DHX35: variants seen among roughly 807,000 people sequenced by gnomAD.
DHX35 encodes the protein DEAH-box helicase 35, also known as probable ATP-dependent RNA helicase DHX35.
Under a neutral mutation model 99.6 loss-of-function variants are expected in DHX35, and 84 were observed. The ratio of observed to expected loss-of-function variants is 0.84; its 90% CI spans 0.71 to 1.01. DHX35 has a LOEUF of 1.01. Ranked by LOEUF, DHX35 falls within the 50% of genes least tolerant of loss-of-function variation. DHX35 has a pLI of 0.00. For missense variants in DHX35, 852 were observed against 888.5 expected (o/e 0.96, Z 0.52); for synonymous variants, 331 against 316.2 (o/e 1.05, Z -0.50).
intron 3 of DHX35, among the ~76,000 whole-genome samples, chr20:38,976,571 C>G (rs56405745): frequency 4.6e-5 from 7 of 152,232 alleles, no homozygotes; most frequent in Non-Finnish European, 1.0e-4. Context: ...TATCCATCAC[C>G]TCAAACATTT....
chr20:38,972,487 T>A (rs920257698), intron 2 of DHX35, 72 bp from the exon 3 acceptor site: 62 of 937,270 alleles, frequency 6.6e-5, no homozygotes, highest in Non-Finnish European at 1.0e-4. Context: ...CATTTCACAA[T>A]GTTTAAATAT....
At chr20:39,003,287 A>G (rs979190099) in intron 10 of DHX35, among the ~76,000 whole-genome samples, 1 of 152,164 alleles carries the variant, frequency 6.6e-6, no homozygotes, top group Non-Finnish European at 1.5e-5. Flanking sequence ...AACAGACCCA[A>G]GTGCTCGCTG....
chr20:39,026,239 G>A lies in DHX35; in HGVS notation c.1801+880G>A, dbSNP rs145216000. The stretch of plus-strand genomic sequence containing the variant: ...AATGCTCACAACAACGCTGTGAAAC[G>A]TGTGCTCTTTTCCCCATCTTATAGG... On this transcript the variant is annotated intron_variant, in intron 18 of 21. Coordinates refer to ENST00000252011, the MANE Select transcript of DHX35 (RefSeq NM_021931.4). 3.3e-5 allele frequency among the ~76,000 whole-genome samples: 5 copies of A among 152,314 alleles called. No individual in the cohort carries two copies. In the East Asian group the frequency reaches 9.6e-4, roughly 29 times the overall value.
intron 15 of DHX35, among the ~76,000 whole-genome samples, chr20:39,021,543 T>C (rs1052751407): frequency 6.6e-6 from 1 of 152,224 alleles, no homozygotes; most frequent in Non-Finnish European, 1.5e-5. Context: ...TCACCCTGGC[T>C]GGAATGCAGT....
At chr20:39,006,469 C>T (rs2086620648) in intron 12 of DHX35, 113 bp downstream of exon 12, 3 of 1,093,358 alleles carry the variant, frequency 2.7e-6, no homozygotes, top group Admixed American at 2.1e-5. Context: ...ACAGGCCTTC[C>T]TCACAAGGCC....
intron 20 of DHX35, among the ~76,000 whole-genome samples, chr20:39,032,689 C>G (rs958846006): frequency 6.6e-6 from 1 of 152,150 alleles, no homozygotes; most frequent in African/African-American, 2.4e-5. Context: ...GAAACTTGTA[C>G]GAAATGCAGC....
intron 3 of DHX35, among the ~76,000 whole-genome samples, chr20:38,983,431 A>G (rs1007492668): frequency 1.3e-5 from 2 of 152,298 alleles, no homozygotes; most frequent in African/African-American, 2.4e-5. Context: ...TCTGTAGTAC[A>G]TGGTGATTTT....
At chr20:38,997,579 T>C (rs2086450603) in intron 8 of DHX35, among the ~76,000 whole-genome samples, 1 of 152,140 alleles carries the variant, frequency 6.6e-6, no homozygotes, top group Non-Finnish European at 1.5e-5. Context: ...ATGCTGGACC[T>C]CTGGTAAGCT....
chr20:39,003,558 T>TAGA (rs2086559429), intron 10 of DHX35, among the ~76,000 whole-genome samples, 191 bp from the exon 11 acceptor site: 1 of 152,240 alleles, frequency 6.6e-6, no homozygotes, highest in Non-Finnish European at 1.5e-5. Context: ...TTGCAAAATT[T>TAGA]CACCCATTGT....
rs756207342 is a variant in DHX35, at chr20:39,039,236, G to A, written c.*693G>A. 1 of 152,866 alleles carries A rather than the reference G, an allele frequency of 6.5e-6. No homozygotes were observed. The highest frequency in any genetic ancestry group is 1.5e-5 in the Non-Finnish European group (1 of 68,230). The allele number at this position is 152,866 out of a possible 1,614,324, so 9.5% of individuals were successfully genotyped here. ...CAGGTAGGCTTAGCGTCCTCTCAGA[G>A]TGTAGTGCCAGGTCCTGGTGCCACG... On this transcript the variant is annotated 3_prime_UTR_variant, in exon 22 of 22. Transcript: ENST00000252011.
chr20:38,983,834 T>C, intron 4 of DHX35, 58 bp downstream of exon 4: 1 of 1,473,434 alleles, frequency 6.8e-7, no homozygotes, highest in South Asian at 1.2e-5. Flanking sequence ...TTGTGATTTG[T>C]TTACATTTCC....
At chr20:38,977,992 G>T in intron 3 of DHX35, 1 of 691,754 alleles carries the variant, frequency 1.4e-6, no homozygotes, top group East Asian at 2.7e-5. Flanking sequence ...ACCTCCAGGG[G>T]CAGATCACCT....
intron 3 of DHX35, among the ~76,000 whole-genome samples, chr20:38,976,336 C>CTGTGTGTGTGTG (rs11472267): frequency 3.2e-4 from 47 of 146,146 alleles, no homozygotes; most frequent in African/African-American, 1.2e-3. Flanking sequence ...AGAGAAGTGT[C>CTGTGTGTGTGTG]TGTGTGTGTG....
At chr20:38,974,490 T>C (rs1380125067) in intron 3 of DHX35, among the ~76,000 whole-genome samples, 1 of 152,216 alleles carries the variant, frequency 6.6e-6, no homozygotes, top group Admixed American at 6.5e-5. Context: ...AGTGCTAGTA[T>C]TAAATGTGAT....
chr20:38,963,679 C>G (rs1054417837), intron 1 of DHX35, among the ~76,000 whole-genome samples: 1 of 152,144 alleles, frequency 6.6e-6, no homozygotes, highest in East Asian at 1.9e-4. Flanking sequence ...GGTTAAAGAA[C>G]GTGGAATTAC....
intron 2 of DHX35, among the ~76,000 whole-genome samples, chr20:38,972,054 G>T (rs1290344942): frequency 7.2e-6 from 1 of 139,610 alleles, no homozygotes; most frequent in South Asian, 2.3e-4. Context: ...TGTTGCTCAG[G>T]CTGAAGTGCA....
chr20:38,988,878 CT>C lies in DHX35; in HGVS notation c.414del (p.Phe138LeufsTer24). On this transcript the variant is annotated frameshift_variant, in exon 5 of 22. Transcript: ENST00000252011. LOFTEE classifies it high-confidence loss of function. ...LGHEVGYCIR[F>X]DDCTDQLATR... ...GCCACGAGGTGGGCTACTGCATCCG[CT>C]TTGATGACTGCACCGACCAGCTGGC... The C allele has an allele frequency of 6.2e-7, 1 of 1,613,778 alleles. No homozygotes were observed.
chr20:38,991,759 T>G (rs1345322161), intron 6 of DHX35, among the ~76,000 whole-genome samples: 1 of 152,210 alleles, frequency 6.6e-6, no homozygotes, highest in Admixed American at 6.5e-5. Context: ...CTTGTCCTTT[T>G]TATTTTGCCT....
intron 8 of DHX35, among the ~76,000 whole-genome samples, chr20:38,996,600 G>A (rs951658484): frequency 3.3e-5 from 5 of 152,154 alleles, no homozygotes; most frequent in African/African-American, 1.2e-4. Flanking sequence ...CTAGTAAGGA[G>A]GCCAGTTCTG....
Sources: gnomAD v4.1 joint callset for allele counts (sites outside exome capture counted in the v4.1 genomes callset) on GRCh38, gnomAD v4.1.1 for gene constraint, MANE v1.5 for transcripts, NCBI Gene and HGNC (gene_info 2026-07-23, HGNC 2026-07-21) for gene names.